The following CPNE2 variants were observed in gnomAD, a reference collection of about 807,000 sequenced individuals.
CPNE2 encodes the protein copine 2.
CPNE2 carries 42 observed loss-of-function variants against 69.7 expected under a neutral mutation model. The ratio of observed to expected loss-of-function variants is 0.60; its 90% CI spans 0.47 to 0.78. The LOEUF (loss-of-function observed/expected upper bound fraction) is 0.78. CPNE2 is among the 30% of genes least tolerant of loss of function. CPNE2 has a pLI of 0.00. For missense variants in CPNE2, 587 were observed against 732.0 expected, an observed-to-expected ratio of 0.80 and a Z score of 2.29; for synonymous variants, 294 against 289.8, an observed-to-expected ratio of 1.01 and a Z score of -0.15.
chr16:57,119,291 G>A lies in CPNE2; in HGVS notation c.591+13G>A, dbSNP rs778239451. On this transcript the variant is annotated intron_variant, in intron 6 of 15. Coordinates refer to ENST00000290776, the MANE Select transcript of CPNE2 (RefSeq NM_152727.6). ...CCACAGGACTGAGGTGGGTACGTGGGGGCCCAGGGATCTCTAAGCAGTGGG... is the reference window on the plus strand; with the variant it reads ...CCACAGGACTGAGGTGGGTACGTGGAGGCCCAGGGATCTCTAAGCAGTGGG... 1 of 1,613,514 alleles carries A rather than the reference G, an allele frequency of 6.2e-7. No individual in the cohort carries two copies. The highest frequency in any genetic ancestry group is 1.1e-5 in the South Asian group (1 of 91,054).
chr16:57,114,743 C>T (rs1195101898), intron 3 of CPNE2, among the ~76,000 whole-genome samples: 1 of 152,048 alleles, frequency 6.6e-6, no homozygotes, highest in Non-Finnish European at 1.5e-5. Flanking sequence ...CACTTTTCCT[C>T]TCTATGTTGT....
At chr16:57,140,403 C>T (rs1222980419) in intron 14 of CPNE2, among the ~76,000 whole-genome samples, 4 of 151,946 alleles carry the variant, frequency 2.6e-5, no homozygotes, top group Non-Finnish European at 5.9e-5. Context: ...AACCCCTGTC[C>T]TCAGGTGATC....
intron 14 of CPNE2, 65 bp downstream of exon 14, chr16:57,137,347 G>A (rs1567327535): frequency 1.9e-6 from 3 of 1,580,048 alleles, no homozygotes; most frequent in Non-Finnish European, 2.6e-6. Context: ...TGGGGGGCAG[G>A]ATATTCTGCC....
intron 13 of CPNE2, 52 bp from the exon 14 acceptor site, chr16:57,137,097 T>A: frequency 6.3e-7 from 1 of 1,593,460 alleles, no homozygotes; most frequent in East Asian, 2.3e-5. Flanking sequence ...GAGATGAGAG[T>A]GGGTATGGGG....
chr16:57,134,756 C>T lies in CPNE2; in HGVS notation c.1117-19C>T, dbSNP rs764744672. ...TTGGGGGCGGGAGGCTGCAGCTCAG[C>T]GTTTTCTCTGCGTTTCAGGTCTCCC... On this transcript the variant is annotated intron_variant, in intron 12 of 15. Coordinates refer to ENST00000290776, the MANE Select transcript of CPNE2 (RefSeq NM_152727.6). The T allele has an allele frequency of 9.3e-6, 15 of 1,613,698 alleles. No homozygotes were observed. In the Admixed American group the frequency reaches 1.8e-4, roughly 20 times the overall value.
rs188886396 is a variant in CPNE2 at position 57,132,895 on chromosome 16, C to G, written c.1117-1880C>G. Among the ~76,000 whole-genome samples the G allele has an allele frequency of 1.2e-3, 182 of 152,228 alleles. 1 individual carries two copies. Among genetic ancestry groups the G allele is most frequent in the Middle Eastern group, 6.8e-3 (2 of 294 alleles). On this transcript the variant is annotated intron_variant, in intron 12 of 15. Coordinates refer to ENST00000290776, the MANE Select transcript of CPNE2 (RefSeq NM_152727.6). Reference sequence around the variant, plus strand: ...CAGATGGACAACCTTCCACAGCCCCCCTGACCGCAAGGCTGGGCCCTCCCC... The same window carrying G: ...CAGATGGACAACCTTCCACAGCCCCGCTGACCGCAAGGCTGGGCCCTCCCC...
chr16:57,146,478 G>A lies in CPNE2; in HGVS notation c.1539+157G>A, dbSNP rs772019800. On this transcript the variant is annotated intron_variant, in intron 15 of 15. Transcript: ENST00000290776. The surrounding 1 kb of genome is among the most constrained non-coding windows in gnomAD (Gnocchi z 4.4). ...GAGGGCCTGCCATGTGCCAGGCGCC[G>A]TGCCAGGCCTTGCCCCGGTGGTGGC... The A allele has an allele frequency of 8.3e-5, 57 of 683,752 alleles. No homozygotes were observed. The highest frequency in any genetic ancestry group is 7.7e-4 in the Middle Eastern group (3 of 3,908). 42.4% of individuals were successfully genotyped at this position (683,752 alleles called of 1,614,324 possible). A position where few individuals can be genotyped will look rare whatever the true frequency, so the allele number is the denominator to read the frequency against.
At position 57,115,586 on chromosome 16, in the gene CPNE2, A is replaced by G; in HGVS notation, c.435+36A>G. 3.6e-6 allele frequency: 5 copies of G among 1,389,834 alleles called. No homozygotes were observed. In the South Asian group the frequency reaches 4.9e-5, roughly 14 times the overall value. 86.1% of individuals were successfully genotyped at this position (1,389,834 alleles called of 1,614,324 possible). On this transcript the variant is annotated intron_variant, in intron 4 of 15. Transcript: ENST00000290776. ...CCTCCCGGCTCTCCGCACCCCCTCCATCCCCACCCCACACCCTCCCCCATC... is the reference window on the plus strand; with the variant it reads ...CCTCCCGGCTCTCCGCACCCCCTCCGTCCCCACCCCACACCCTCCCCCATC...
At position 57,123,450 on chromosome 16, in the gene CPNE2, G is replaced by T. The variant is rs1366511114; in HGVS notation, c.904G>T (p.Gly302Ter). Residue 302 changes from glycine to a stop codon, truncating the protein, a stop_gained, in exon 10 of 16, where the codon GGA (glycine) becomes TGA (stop). Coordinates refer to ENST00000290776, the MANE Select transcript of CPNE2 (RefSeq NM_152727.6). LOFTEE classifies it high-confidence loss of function. The stretch of plus-strand genomic sequence containing the variant: ...CTACTCCTTCCTTGACTACATCCTG[G>T]GAGGCTGCCAGCTCATGTTCACCGT... Reference protein sequence around the residue: ...RDYSFLDYILGGCQLMFTVGI... With the variant: ...RDYSFLDYIL 7 of 1,613,206 alleles carry T rather than the reference G, an allele frequency of 4.3e-6. No homozygotes were observed. Among genetic ancestry groups the T allele is most frequent in the Non-Finnish European group, 5.9e-6 (7 of 1,180,024 alleles).
At chr16:57,113,189 G>T in intron 2 of CPNE2, 99 bp from the exon 3 acceptor site, 1 of 1,105,888 alleles carries the variant, frequency 9.0e-7, no homozygotes, top group Non-Finnish European at 1.3e-6. Flanking sequence ...CTGGCACAGA[G>T]TAGGCATTGT....
rs1212540153 is a variant in CPNE2, at chr16:57,110,982, G to A, written c.180+60G>A. 4 of 1,502,486 alleles carry A rather than the reference G, an allele frequency of 2.7e-6. No individual in the cohort carries two copies. The Admixed American group carries it at 5.5e-5, about 21-fold the overall frequency. 93.1% of individuals were successfully genotyped at this position (1,502,486 alleles called of 1,614,324 possible). ...GGGTGGCTAGGCTGCTGGGGAGGGG[G>A]AGTCTCCCAGGACTGGGATCCAGGA... On this transcript the variant is annotated intron_variant, in intron 2 of 15. Transcript: ENST00000290776.
chr16:57,121,738 T>C lies in CPNE2; in HGVS notation c.845T>C (p.Ile282Thr), dbSNP rs751144246. 1 of 1,614,128 alleles carries C rather than the reference T, an allele frequency of 6.2e-7. No homozygotes were observed. The highest frequency in any genetic ancestry group is 1.1e-5 in the South Asian group (1 of 91,078). ...RKKKNYKNSGIIILRSCKINR... is the reference protein window; with the variant it reads ...RKKKNYKNSGTIILRSCKINR... ...AAGAAGAACTATAAAAACTCGGGCATCATCATCCTGCGATCCTGCAAGGTG... is the reference window on the plus strand; with the variant it reads ...AAGAAGAACTATAAAAACTCGGGCACCATCATCCTGCGATCCTGCAAGGTG... The change falls in exon 9 of 16, where the codon ATC becomes ACC. Residue 282 changes from isoleucine to threonine, a missense_variant. Coordinates refer to ENST00000290776, the MANE Select transcript of CPNE2 (RefSeq NM_152727.6).
chr16:57,116,472 A>C (rs763771843), intron 4 of CPNE2, among the ~76,000 whole-genome samples: 19 of 152,078 alleles, frequency 1.2e-4, no homozygotes, highest in Non-Finnish European at 1.8e-4. Flanking sequence ...GGATCCCTTA[A>C]GGCCAGGAGT....
intron 14 of CPNE2, among the ~76,000 whole-genome samples, chr16:57,139,735 C>A (rs2013641): frequency 2.0e-5 from 3 of 152,222 alleles, no homozygotes; most frequent in Non-Finnish European, 2.9e-5. Flanking sequence ...GGCAGAGCCT[C>A]TTCTGATGGT....
chr16:57,134,862 TGCTACGG>T, intron 13 of CPNE2, 36 bp downstream of exon 13: 1 of 1,611,392 alleles, frequency 6.2e-7, no homozygotes, highest in Non-Finnish European at 8.5e-7. Flanking sequence ...GCCCTGTGTT[TGCTACGG>T]GCCTGGCCAG....
intron 5 of CPNE2, among the ~76,000 whole-genome samples, chr16:57,118,128 C>T (rs1404187054): frequency 6.6e-6 from 1 of 151,766 alleles, no homozygotes; most frequent in African/African-American, 2.4e-5. Context: ...CCCTCCTTCT[C>T]GTCTCCTTAA....
intron 11 of CPNE2, among the ~76,000 whole-genome samples, chr16:57,126,288 C>T (rs118011941): frequency 8.5e-5 from 13 of 152,318 alleles, no homozygotes; most frequent in Non-Finnish European, 1.3e-4. Flanking sequence ...TTGCTGCATC[C>T]TCTCCTTTTA....
At chr16:57,121,286 C>G in intron 8 of CPNE2, 95 bp downstream of exon 8, 1 of 1,007,152 alleles carries the variant, frequency 9.9e-7, no homozygotes, top group Non-Finnish European at 1.5e-6. Context: ...GCTGAGATCC[C>G]CCTTCTGGCT....
chr16:57,134,804 C>T lies in CPNE2; in HGVS notation c.1146C>T (p.Asn382=), dbSNP rs956951619. The part of the protein sequence containing the change: ...KVSHEFAINF[N]PTNPFCSGVD... ...CCCATGAGTTTGCCATCAACTTCAA[C>T]CCCACCAACCCCTTCTGCTCAGGTG... Residue 382 remains asparagine, a synonymous_variant, in exon 13 of 16, where the codon AAC becomes AAT. Transcript: ENST00000290776. The T allele has an allele frequency of 6.2e-7, 1 of 1,613,834 alleles. No individual in the cohort carries two copies. The highest frequency in any genetic ancestry group is 1.3e-5 in the African/African-American group (1 of 74,890).
Sources: allele counts gnomAD v4.1 joint callset (sites outside exome capture counted in the v4.1 genomes callset), GRCh38; gene constraint gnomAD v4.1.1; non-coding constraint Gnocchi (gnomAD v3.1); transcripts MANE v1.5; gene names NCBI Gene and HGNC (gene_info 2026-07-23, HGNC 2026-07-21).